The following NRXN3 variants were observed in gnomAD, a reference collection of about 807,000 sequenced individuals.
NRXN3 encodes the protein neurexin III.
In NRXN3, 32 loss-of-function variants were observed where a neutral mutation model predicts 137.6. The observed-to-expected ratio is 0.23, with a 90% CI of 0.18 to 0.31. The LOEUF is 0.31. Ranked by LOEUF, NRXN3 falls within the 10% of genes least tolerant of loss-of-function variation. NRXN3 has a pLI of 1.00. For missense variants in NRXN3, 1,574 were observed against 2,062.5 expected, an observed-to-expected ratio of 0.76 and a Z score of 4.59; for synonymous variants, 798 against 784.5, an observed-to-expected ratio of 1.02 and a Z score of -0.29.
chr14:78,787,915 G>A lies in NRXN3; in HGVS notation c.2045-15705G>A, dbSNP rs74066243. 7.1e-3 allele frequency among the ~76,000 whole-genome samples: 1,079 copies of A among 152,172 alleles called. 12 individuals are homozygous for A. Among genetic ancestry groups the A allele is most frequent in the African/African-American group, 0.024 (986 of 41,506 alleles). ...TGAGAACAGAAGAAAGCAGAACGTC[G>A]CCCTTATTTCTCTATTTAATCAAAG... On this transcript the variant is annotated intron_variant, in intron 8 of 20. Transcript: ENST00000335750.
At chr14:79,559,247 C>T (rs369082938) in intron 16 of NRXN3, among the ~76,000 whole-genome samples, 16 of 152,250 alleles carry the variant, frequency 1.1e-4, no homozygotes, top group African/African-American at 3.9e-4. Context: ...CTTGGCTTAG[C>T]TTTTAGTCTA....
At chr14:79,317,572 G>A (rs1294516646) in intron 15 of NRXN3, among the ~76,000 whole-genome samples, 1 of 152,072 alleles carries the variant, frequency 6.6e-6, no homozygotes, top group African/African-American at 2.4e-5. Flanking sequence ...GTACTGGGGG[G>A]TTAGGATTTC....
At chr14:79,352,950 C>G (rs1242651200) in intron 15 of NRXN3, among the ~76,000 whole-genome samples, 1 of 152,094 alleles carries the variant, frequency 6.6e-6, no homozygotes, top group African/African-American at 2.4e-5. Context: ...AACACCATCA[C>G]TTATTAAACT....
At chr14:78,846,814 C>T (rs1250151764) in intron 10 of NRXN3, among the ~76,000 whole-genome samples, 5 of 152,104 alleles carry the variant, frequency 3.3e-5, no homozygotes, top group African/African-American at 7.2e-5. Flanking sequence ...CTTCCCACTG[C>T]GTCCTGCACC....
chr14:78,926,117 T>A (rs1298094015), intron 10 of NRXN3, among the ~76,000 whole-genome samples: 1 of 152,178 alleles, frequency 6.6e-6, no homozygotes, highest in Non-Finnish European at 1.5e-5. Context: ...GTGTTCTTTT[T>A]AATAGGTACA....
intron 15 of NRXN3, among the ~76,000 whole-genome samples, chr14:79,080,979 T>G (rs1015973192): frequency 6.6e-6 from 1 of 152,182 alleles, no homozygotes; most frequent in Admixed American, 6.5e-5. Flanking sequence ...TTTTGTTTTG[T>G]TTTGGTTTTT....
chr14:79,321,742 A>G (rs1027204445), intron 15 of NRXN3, among the ~76,000 whole-genome samples: 3 of 150,592 alleles, frequency 2.0e-5, no homozygotes, highest in African/African-American at 7.3e-5. Context: ...ATATATATAC[A>G]TATATATGCA....
intron 10 of NRXN3, among the ~76,000 whole-genome samples, chr14:78,920,519 C>G (rs2370877): frequency 0.025 from 3,800 of 152,256 alleles, 175 homozygotes; most frequent in African/African-American, 0.086. Context: ...TTCTCTGACA[C>G]CAACTGGGTG....
chr14:78,957,108 C>T (rs891766416), intron 10 of NRXN3, 134 bp from the exon 11 acceptor site: 45 of 910,966 alleles, frequency 4.9e-5, no homozygotes, highest in African/African-American at 8.4e-5. Context: ...CAGTAAAATT[C>T]GAATGGACTT....
intron 16 of NRXN3, among the ~76,000 whole-genome samples, chr14:79,659,191 A>C (rs1603372760): frequency 8.6e-6 from 1 of 116,886 alleles, no homozygotes; most frequent in South Asian, 2.4e-4. Flanking sequence ...TGTGCTGTTC[A>C]GTTTTTTTTT....
chr14:79,628,471 T>C (rs1460584205), intron 16 of NRXN3, among the ~76,000 whole-genome samples: 1 of 152,308 alleles, frequency 6.6e-6, no homozygotes, highest in East Asian at 1.9e-4. Flanking sequence ...ACTCTTCTGA[T>C]TGGATTTAGC....
At chr14:78,560,421 G>A (rs2096775911) in intron 4 of NRXN3, among the ~76,000 whole-genome samples, 1 of 152,196 alleles carries the variant, frequency 6.6e-6, no homozygotes, top group African/African-American at 2.4e-5. Flanking sequence ...GCTGGGCAGA[G>A]TGCATGATGT....
chr14:79,040,269 A>G (rs1409146059), intron 15 of NRXN3, among the ~76,000 whole-genome samples: 2 of 152,220 alleles, frequency 1.3e-5, no homozygotes, highest in African/African-American at 4.8e-5. Context: ...AGCAGGCCCA[A>G]TAGTTGTTCT....
intron 6 of NRXN3, among the ~76,000 whole-genome samples, chr14:78,683,265 A>G (rs185211053): frequency 6.6e-6 from 1 of 152,352 alleles, no homozygotes; most frequent in East Asian, 1.9e-4. Flanking sequence ...AAAATTTATA[A>G]TTACATATGC....
intron 10 of NRXN3, among the ~76,000 whole-genome samples, chr14:78,885,099 G>A (rs543493488): frequency 6.7e-6 from 1 of 149,652 alleles, no homozygotes; most frequent in East Asian, 1.9e-4. Context: ...GTTTACAAGT[G>A]TCATAATGTG....
At chr14:78,993,834 A>AC (rs2099523956) in intron 15 of NRXN3, among the ~76,000 whole-genome samples, 1 of 66,928 alleles carries the variant, frequency 1.5e-5, no homozygotes, top group Non-Finnish European at 3.1e-5. Flanking sequence ...GAGCCTTGAA[A>AC]TTTTTTTTTT....
At chr14:79,418,672 A>G (rs1000009659) in intron 15 of NRXN3, among the ~76,000 whole-genome samples, 1 of 152,238 alleles carries the variant, frequency 6.6e-6, no homozygotes, top group Non-Finnish European at 1.5e-5. Context: ...AAACAAAATC[A>G]GAGCCTATAC....
intron 19 of NRXN3, among the ~76,000 whole-genome samples, chr14:79,751,830 CATGT>C (rs2098998900): frequency 6.6e-6 from 1 of 151,844 alleles, no homozygotes; most frequent in African/African-American, 2.4e-5. Context: ...TTGAGATAAT[CATGT>C]GGTTTTTGTC....
intron 1 of NRXN3, among the ~76,000 whole-genome samples, chr14:78,206,676 G>A (rs914858575): frequency 1.3e-5 from 2 of 152,102 alleles, no homozygotes; most frequent in Non-Finnish European, 2.9e-5. Flanking sequence ...TGTCCTGAAT[G>A]TTCTCAGGGT....
Sources: gnomAD v4.1 joint callset for allele counts (sites outside exome capture counted in the v4.1 genomes callset) on GRCh38, gnomAD v4.1.1 for gene constraint, MANE v1.5 for transcripts, NCBI Gene and HGNC (gene_info 2026-07-23, HGNC 2026-07-21) for gene names.